The following DSCAML1 variants were observed in gnomAD, a reference collection of about 807,000 sequenced individuals.
DSCAML1 encodes cell adhesion molecule DSCAML1.
Under a neutral mutation model 200.5 loss-of-function variants are expected in DSCAML1, and 38 were observed. That is an observed-to-expected ratio of 0.19 (90% confidence interval 0.15 to 0.25). DSCAML1 has a LOEUF of 0.25. Ranked by LOEUF, DSCAML1 falls within the 10% of genes least tolerant of loss-of-function variation. The pLI is 1.00. For synonymous variants in DSCAML1, 1,215 were observed against 1,165.0 expected (o/e 1.04, Z -0.87); for missense variants, 2,223 against 2,858.8 (o/e 0.78, Z 5.07).
intron 3 of DSCAML1, among the ~76,000 whole-genome samples, chr11:117,560,223 G>T (rs1396583736): frequency 1.3e-5 from 2 of 152,142 alleles, no homozygotes; most frequent in Non-Finnish European, 2.9e-5. Context: ...GCCACCATTT[G>T]TTGAGTGCCT....
Position 117,797,101 on chromosome 11 carries a change from C to G in DSCAML1, c.-22G>C. On this transcript the variant is annotated 5_prime_UTR_variant, in exon 1 of 33. Transcript: ENST00000651296. ...ACATGCCATAAAGAGGCCCTATTCT[C>G]CGGGGAGGTGGTCCTGTGGCCGGCC... 14 of 1,588,602 alleles carry G rather than the reference C, an allele frequency of 8.8e-6. No homozygotes were observed. Among genetic ancestry groups the G allele is most frequent in the Non-Finnish European group, 1.2e-5 (14 of 1,168,224 alleles).
chr11:117,486,916 T>C (rs1360939550), intron 11 of DSCAML1, among the ~76,000 whole-genome samples: 69 of 77,856 alleles, frequency 8.9e-4, no homozygotes, highest in African/African-American at 4.8e-3. Context: ...AATACCTTTT[T>C]TTTTTTTTTT....
At position 117,575,299 on chromosome 11, in the gene DSCAML1, A is replaced by T. The variant is rs149451513; in HGVS notation, c.512-42777T>A. Among the ~76,000 whole-genome samples the T allele has an allele frequency of 4.6e-5, 7 of 152,342 alleles. No homozygotes were observed. In the East Asian group the frequency reaches 1.4e-3, roughly 29 times the overall value. On this transcript the variant is annotated intron_variant, in intron 3 of 32. Transcript: ENST00000651296. The stretch of plus-strand genomic sequence containing the variant: ...TAGAAACCAGAGCAAAGCACCCGGG[A>T]TGACGCATGGTTTGAGACCCACCAC...
At chr11:117,815,791 C>T (rs898175891) in intron 1 of DSCAML1, among the ~76,000 whole-genome samples, 5 of 151,072 alleles carry the variant, frequency 3.3e-5, no homozygotes, top group Non-Finnish European at 5.9e-5. Context: ...GCTCAGAATT[C>T]AGGGAGACTC....
intron 3 of DSCAML1, among the ~76,000 whole-genome samples, chr11:117,538,924 G>T (rs2050214088): frequency 6.6e-6 from 1 of 151,952 alleles, no homozygotes; most frequent in Non-Finnish European, 1.5e-5. Context: ...GCAGCCTCCT[G>T]ACTGGCCACC....
At position 117,446,137 on chromosome 11, in the gene DSCAML1, G is replaced by A. The variant is rs539398054; in HGVS notation, c.3709-2098C>T. Among the ~76,000 whole-genome samples the A allele has an allele frequency of 2.6e-5, 4 of 152,362 alleles. 1 individual carries two copies. The highest frequency in any genetic ancestry group is 4.1e-4 in the South Asian group (2 of 4,826). ...CCAGCACTGTGGGAGGCCAAGGCAG[G>A]TGGATCACCTGAGATCAGGAGTTTG... On this transcript the variant is annotated intron_variant, in intron 20 of 32. Transcript: ENST00000651296.
chr11:117,751,097 T>C (rs1338133704), intron 3 of DSCAML1, among the ~76,000 whole-genome samples: 1 of 152,058 alleles, frequency 6.6e-6, no homozygotes, highest in African/African-American at 2.4e-5. Context: ...GCATGCATGT[T>C]TGTGTGTGTT....
chr11:117,636,734 C>A (rs1039997366), intron 3 of DSCAML1, among the ~76,000 whole-genome samples: 1 of 152,186 alleles, frequency 6.6e-6, no homozygotes, highest in African/African-American at 2.4e-5. Context: ...TAACCCTAGG[C>A]AATTCTTGAT....
chr11:117,714,571 C>G (rs183475712), intron 3 of DSCAML1, among the ~76,000 whole-genome samples: 8 of 152,222 alleles, frequency 5.3e-5, no homozygotes, highest in Non-Finnish European at 1.2e-4. Context: ...AATCCCAGCA[C>G]TTTGGGAGGC....
At chr11:117,716,642 G>C (rs1410812915) in intron 3 of DSCAML1, among the ~76,000 whole-genome samples, 1 of 152,160 alleles carries the variant, frequency 6.6e-6, no homozygotes. Context: ...TAAGAATCCA[G>C]ATCCAGCCCC....
intron 1 of DSCAML1, among the ~76,000 whole-genome samples, chr11:117,811,686 C>G (rs2055762069): frequency 6.6e-6 from 1 of 152,190 alleles, no homozygotes; most frequent in South Asian, 2.1e-4. Flanking sequence ...ACTCCCAGAG[C>G]CCCTGGAACT....
At chr11:117,733,673 C>T (rs1458791011) in intron 3 of DSCAML1, among the ~76,000 whole-genome samples, 1 of 152,196 alleles carries the variant, frequency 6.6e-6, no homozygotes, top group Non-Finnish European at 1.5e-5. Flanking sequence ...GTCTCAGGGA[C>T]CAACTGCATG....
At chr11:117,519,912 C>T (rs2049854405) in intron 6 of DSCAML1, among the ~76,000 whole-genome samples, 1 of 152,196 alleles carries the variant, frequency 6.6e-6, no homozygotes, top group South Asian at 2.1e-4. Flanking sequence ...TGCCTCACAC[C>T]TTCAAGGAGT....
At chr11:117,600,479 G>A (rs764644188) in intron 3 of DSCAML1, among the ~76,000 whole-genome samples, 3 of 152,180 alleles carry the variant, frequency 2.0e-5, no homozygotes, top group Non-Finnish European at 4.4e-5. Context: ...GCCCACAGAG[G>A]GGAAATGCCA....
intron 3 of DSCAML1, among the ~76,000 whole-genome samples, chr11:117,544,160 T>G (rs1328660744): frequency 6.6e-6 from 1 of 152,162 alleles, no homozygotes; most frequent in Non-Finnish European, 1.5e-5. Context: ...ACAGCTCAAG[T>G]CTGTTTCCTG....
At chr11:117,692,082 C>T (rs1417425198) in intron 3 of DSCAML1, among the ~76,000 whole-genome samples, 5 of 152,068 alleles carry the variant, frequency 3.3e-5, no homozygotes, top group African/African-American at 7.2e-5. Flanking sequence ...CTGGGCCTAG[C>T]GGGGGTGTGA....
At chr11:117,796,276 G>T (rs985953794) in intron 1 of DSCAML1, among the ~76,000 whole-genome samples, 1 of 152,242 alleles carries the variant, frequency 6.6e-6, no homozygotes, top group Non-Finnish European at 1.5e-5. Flanking sequence ...ACGCCCCCCA[G>T]CCTGAAGACT....
chr11:117,494,009 C>T (rs1322669179), intron 11 of DSCAML1, among the ~76,000 whole-genome samples: 2 of 152,182 alleles, frequency 1.3e-5, no homozygotes, highest in Admixed American at 6.5e-5. Flanking sequence ...ATTATGTGCA[C>T]GCACCATGGC....
intron 3 of DSCAML1, among the ~76,000 whole-genome samples, chr11:117,691,625 GTCGGATTCGT>G (rs1361401142): frequency 6.6e-6 from 1 of 152,192 alleles, no homozygotes; most frequent in Non-Finnish European, 1.5e-5. Flanking sequence ...ACAGTGGGAA[GTCGGATTCGT>G]TCCCTGCTCG....
Sources: allele counts gnomAD v4.1 joint callset (sites outside exome capture counted in the v4.1 genomes callset), GRCh38; gene constraint gnomAD v4.1.1; transcripts MANE v1.5; gene names NCBI Gene and HGNC (gene_info 2026-07-23, HGNC 2026-07-21).